ZNF521: variants seen among roughly 807,000 people sequenced by gnomAD.
The protein encoded by ZNF521 is zinc finger protein 521.
ZNF521 carries 14 observed loss-of-function variants against 105.5 expected under a neutral mutation model. That is an observed-to-expected ratio of 0.13 (90% CI 0.09 to 0.21). The LOEUF is 0.21. Among genes scored for constraint, ZNF521 ranks in the 10% least tolerant of loss-of-function variants. ZNF521 has a pLI of 1.00. For synonymous variants in ZNF521, 635 were observed against 606.0 expected (o/e 1.05, Z -0.70); for missense variants, 1,233 against 1,629.7 (o/e 0.76, Z 4.19).
intron 5 of ZNF521, among the ~76,000 whole-genome samples, chr18:25,188,421 C>T (rs2035762931): frequency 6.6e-6 from 1 of 152,130 alleles, no homozygotes; most frequent in Non-Finnish European, 1.5e-5. Context: ...CATCAGAGAC[C>T]TTTTCCTTTG....
chr18:25,256,302 T>G lies in ZNF521; in HGVS notation c.221-28605A>C, dbSNP rs142788606. 4.9e-4 allele frequency among the ~76,000 whole-genome samples: 74 copies of G among 152,090 alleles called. 1 individual carries two copies. The East Asian group carries it at 0.013, about 27-fold the overall frequency. On this transcript the variant is annotated intron_variant, in intron 3 of 7. Coordinates refer to ENST00000361524, the MANE Select transcript of ZNF521 (RefSeq NM_015461.3). The stretch of plus-strand genomic sequence containing the variant: ...GTTTAATGAGTATAGAGTTTCAGTT[T>G]TGCAAGATGAAAAGAGTTCTGGAGA...
intron 7 of ZNF521, among the ~76,000 whole-genome samples, chr18:25,079,617 G>C (rs1447169739): frequency 6.6e-6 from 1 of 151,792 alleles, no homozygotes; most frequent in East Asian, 1.9e-4. Flanking sequence ...GAGAGAGAGA[G>C]AGAGAGAGAG....
chr18:25,310,722 T>A (rs1213588288), intron 3 of ZNF521, among the ~76,000 whole-genome samples: 1 of 152,174 alleles, frequency 6.6e-6, no homozygotes, highest in Non-Finnish European at 1.5e-5. Context: ...ATTTGTTGCA[T>A]TGACCCTGTT....
At chr18:25,104,723 G>C (rs1567963322) in intron 5 of ZNF521, among the ~76,000 whole-genome samples, 1 of 152,058 alleles carries the variant, frequency 6.6e-6, no homozygotes, top group Non-Finnish European at 1.5e-5. Flanking sequence ...GGAGACGTAG[G>C]GTCTGATCTG....
intron 3 of ZNF521, among the ~76,000 whole-genome samples, chr18:25,300,225 A>G (rs940640341): frequency 2.6e-5 from 4 of 152,236 alleles, no homozygotes; most frequent in African/African-American, 9.6e-5. Flanking sequence ...CATGTGAGTA[A>G]GACCACTGTG....
intron 2 of ZNF521, among the ~76,000 whole-genome samples, chr18:25,339,193 C>T (rs1914062373): frequency 3.3e-5 from 5 of 152,132 alleles, no homozygotes; most frequent in Admixed American, 3.3e-4. Context: ...TTATGAGAGA[C>T]ACAAAGAGGC....
At chr18:25,212,097 G>A (rs1174941302) in intron 4 of ZNF521, among the ~76,000 whole-genome samples, 1 of 151,838 alleles carries the variant, frequency 6.6e-6, no homozygotes, top group Non-Finnish European at 1.5e-5. Context: ...CTAGAAAATG[G>A]GACAAATATT....
At chr18:25,233,662 GTTT>G (rs373253299) in intron 3 of ZNF521, among the ~76,000 whole-genome samples, 8 of 114,444 alleles carry the variant, frequency 7.0e-5, no homozygotes, top group Non-Finnish European at 7.5e-5. Flanking sequence ...AAGCTCAGAG[GTTT>G]TTTTTTTTTT....
At chr18:25,256,097 T>C (rs772533370) in intron 3 of ZNF521, among the ~76,000 whole-genome samples, 17 of 150,824 alleles carry the variant, frequency 1.1e-4, no homozygotes, top group Non-Finnish European at 1.6e-4. Context: ...AAGGGAATAT[T>C]GTCACATGAT....
intron 3 of ZNF521, among the ~76,000 whole-genome samples, chr18:25,257,460 C>T (rs887536973): frequency 6.6e-6 from 1 of 152,134 alleles, no homozygotes; most frequent in African/African-American, 2.4e-5. Flanking sequence ...ACCTTCGTTT[C>T]CTTTCTTGGT....
intron 5 of ZNF521, among the ~76,000 whole-genome samples, chr18:25,180,154 AT>A (rs548677528): frequency 6.6e-6 from 1 of 152,148 alleles, no homozygotes; most frequent in Admixed American, 6.5e-5. Flanking sequence ...GAAGATTATA[AT>A]TTTTTCTTAA....
intron 7 of ZNF521, among the ~76,000 whole-genome samples, chr18:25,088,631 T>C (rs1477179059): frequency 1.3e-5 from 2 of 152,204 alleles, no homozygotes; most frequent in African/African-American, 4.8e-5. Flanking sequence ...TAAGACATTA[T>C]ACCCATTTTC....
intron 5 of ZNF521, among the ~76,000 whole-genome samples, chr18:25,110,019 C>A (rs764709823): frequency 5.9e-5 from 9 of 152,140 alleles, no homozygotes; most frequent in Non-Finnish European, 1.2e-4. Flanking sequence ...CTTCTATATT[C>A]TTCCTCTTCT....
chr18:25,311,758 G>C (rs1912321097), intron 3 of ZNF521, among the ~76,000 whole-genome samples: 2 of 151,880 alleles, frequency 1.3e-5, no homozygotes, highest in Admixed American at 1.3e-4. Context: ...TACAATTTTT[G>C]GCAAATGAAT....
At chr18:25,071,643 G>C (rs1364280135) in intron 7 of ZNF521, among the ~76,000 whole-genome samples, 1 of 152,122 alleles carries the variant, frequency 6.6e-6, no homozygotes, top group African/African-American at 2.4e-5. Flanking sequence ...GTTGGGGGTG[G>C]TACATAGCAG....
chr18:25,222,301 C>T (rs753944329), intron 4 of ZNF521, among the ~76,000 whole-genome samples: 10 of 152,100 alleles, frequency 6.6e-5, no homozygotes, highest in African/African-American at 1.2e-4. Context: ...AGGTGTCATT[C>T]GAGCCTTAAT....
chr18:25,108,855 C>T (rs1373121428), intron 5 of ZNF521, among the ~76,000 whole-genome samples: 2 of 152,122 alleles, frequency 1.3e-5, no homozygotes, highest in Non-Finnish European at 2.9e-5. Flanking sequence ...AAACTCCTGA[C>T]CTCAAGTGAT....
At chr18:25,181,409 G>A (rs1268519987) in intron 5 of ZNF521, among the ~76,000 whole-genome samples, 1 of 152,080 alleles carries the variant, frequency 6.6e-6, no homozygotes, top group Non-Finnish European at 1.5e-5. Flanking sequence ...GTTACTTACG[G>A]GAAATGACAA....
chr18:25,139,372 C>CAAAAAAAAAAAAAAAAAAAAAAAAAAAAA (rs36175281), intron 5 of ZNF521, among the ~76,000 whole-genome samples: 4 of 51,372 alleles, frequency 7.8e-5, no homozygotes, highest in Non-Finnish European at 1.4e-4. Context: ...GACTCTGTCT[C>CAAAAAAAAAAAAAAAAAAAAAAAAAAAAA]AAAAAAAAAA....
Sources: allele counts gnomAD v4.1 joint callset (sites outside exome capture counted in the v4.1 genomes callset), GRCh38; gene constraint gnomAD v4.1.1; transcripts MANE v1.5; gene names NCBI Gene and HGNC (gene_info 2026-07-23, HGNC 2026-07-21).